CCNB3: variants seen among roughly 807,000 people sequenced by gnomAD.
CCNB3 encodes G2/mitotic-specific cyclin-B3.
In CCNB3, 12 loss-of-function variants were observed where a neutral mutation model predicts 68.0. The ratio of observed to expected loss-of-function variants is 0.18; its 90% confidence interval spans 0.11 to 0.29. CCNB3 has a LOEUF of 0.29. Ranked by LOEUF, CCNB3 falls within the 10% of genes least tolerant of loss-of-function variation. The pLI, the probability that CCNB3 is intolerant of heterozygous loss-of-function variation, is 1.00. For missense variants in CCNB3, 904 were observed against 993.1 expected (o/e 0.91, Z 1.21); for synonymous variants, 354 against 388.9 (o/e 0.91, Z 1.06).
At chrX:50,318,594 A>G (rs1557216169) in intron 8 of CCNB3, among the ~76,000 whole-genome samples, 1 of 112,300 alleles carries the variant, frequency 8.9e-6, no homozygotes, top group Non-Finnish European at 1.9e-5. Context: ...AAATTTTAGA[A>G]TCAGATTATA....
At chrX:50,334,275 T>C (rs1202825078) in intron 8 of CCNB3, among the ~76,000 whole-genome samples, 1 of 112,740 alleles carries the variant, frequency 8.9e-6, no homozygotes, top group Non-Finnish European at 1.9e-5. Context: ...CCAACACCTC[T>C]ACACAGTTAT....
chrX:50,329,684 G>T (rs1274246774), intron 8 of CCNB3, among the ~76,000 whole-genome samples: 1 of 112,340 alleles, frequency 8.9e-6, no homozygotes, highest in Non-Finnish European at 1.9e-5. Flanking sequence ...TTAGCACTTG[G>T]CTCCTTTTTA....
chrX:50,306,478 G>T (rs1345862563), intron 5 of CCNB3, among the ~76,000 whole-genome samples: 1 of 111,521 alleles, frequency 9.0e-6, no homozygotes, highest in African/African-American at 3.3e-5. Context: ...TTGCCTACTT[G>T]CCCTAGCTAC....
At chrX:50,228,342 C>A (rs1471371753) in intron 1 of CCNB3, among the ~76,000 whole-genome samples, 1 of 90,423 alleles carries the variant, frequency 1.1e-5, no homozygotes, top group Non-Finnish European at 2.1e-5. Flanking sequence ...AATATATATA[C>A]ATACATATAT....
chrX:50,302,766 C>T (rs959242656), intron 5 of CCNB3, among the ~76,000 whole-genome samples: 6 of 111,538 alleles, frequency 5.4e-5, no homozygotes, highest in African/African-American at 1.3e-4. Context: ...TGAGGTTATC[C>T]GTGTCATAGC....
rs1182415338 is a variant in CCNB3 at position 50,226,010 on chromosome X, G to C, written c.-113+21060G>C. 3.4e-5 allele frequency among the ~76,000 whole-genome samples: 3 copies of C among 88,586 alleles called. No individual in the cohort carries two copies. In the Admixed American group the frequency reaches 4.5e-4, roughly 13 times the overall value. 76.9% of individuals were successfully genotyped at this position (88,586 alleles called of 115,157 possible). On this transcript the variant is annotated intron_variant, in intron 1 of 12. Transcript: ENST00000376042. ...TAGAATGTATATATAAATATATATA[G>C]AATATATACAAAAATATATATATAG...
At chrX:50,221,936 A>C (rs942344542) in intron 1 of CCNB3, among the ~76,000 whole-genome samples, 7 of 111,359 alleles carry the variant, frequency 6.3e-5, no homozygotes, top group Non-Finnish European at 9.4e-5. Flanking sequence ...AACTTGCTTT[A>C]TGAATCTGGG....
intron 1 of CCNB3, among the ~76,000 whole-genome samples, chrX:50,206,139 A>T (rs1196911811): frequency 1.8e-5 from 2 of 110,407 alleles, no homozygotes; most frequent in Non-Finnish European, 3.8e-5. Flanking sequence ...GCTACTTGGG[A>T]GGCTGAGGCA....
At chrX:50,325,218 C>A (rs1602236988) in intron 8 of CCNB3, among the ~76,000 whole-genome samples, 1 of 111,624 alleles carries the variant, frequency 9.0e-6, no homozygotes, top group African/African-American at 3.2e-5. Flanking sequence ...TTTCTCCTGG[C>A]ATTTCTTCAC....
chrX:50,317,567 G>GTATTTATT (rs1557215962), intron 8 of CCNB3, among the ~76,000 whole-genome samples: 1 of 108,338 alleles, frequency 9.2e-6, no homozygotes, highest in African/African-American at 3.5e-5. Context: ...ATGTATGTAT[G>GTATTTATT]TATTTATTTA....
rs782014132 is a variant in CCNB3, at chrX:50,310,103, A to G, written c.1934A>G (p.Lys645Arg). 6.6e-6 allele frequency: 8 copies of G among 1,210,000 alleles called. No individual in the cohort carries two copies. In the South Asian group the frequency reaches 1.2e-4, roughly 19 times the overall value. Residue 645 changes from lysine to arginine, a missense_variant, in exon 6 of 13, where the codon AAG (lysine) becomes AGG (arginine). This residue lies in a region of CCNB3 where 619 missense variants were observed against 609.8 expected (regional missense o/e 1.02). Transcript: ENST00000376042. ...CAGGAACCATCTGCATTGAAAGAGA[A>G]GCATACCACCTTGCAGGAAGTGTCC... The part of the protein sequence containing the change: ...LSQEPSALKE[K>R]HTTLQEVSLS...
intron 8 of CCNB3, among the ~76,000 whole-genome samples, chrX:50,323,590 T>G: frequency 8.9e-6 from 1 of 112,462 alleles, no homozygotes; most frequent in East Asian, 2.8e-4. Flanking sequence ...TACTAGTATA[T>G]TGGGAAACAG....
At chrX:50,211,895 CT>C (rs1373573077) in intron 1 of CCNB3, among the ~76,000 whole-genome samples, 3 of 111,986 alleles carry the variant, frequency 2.7e-5, no homozygotes, top group Non-Finnish European at 5.6e-5. Flanking sequence ...GATACATTTC[CT>C]TAATATTTCC....
At chrX:50,299,006 A>G (rs1936554802) in intron 5 of CCNB3, among the ~76,000 whole-genome samples, 1 of 111,077 alleles carries the variant, frequency 9.0e-6, no homozygotes, top group Non-Finnish European at 1.9e-5. Context: ...TATTGCGTCT[A>G]TTTGATTCTT....
chrX:50,344,002 A>G lies in CCNB3; in HGVS notation c.3654+1663A>G, dbSNP rs367998447. Among the ~76,000 whole-genome samples the G allele has an allele frequency of 1.3e-4, 15 of 111,852 alleles. No individual in the cohort carries two copies. The East Asian group carries it at 3.9e-3, about 29-fold the overall frequency. On this transcript the variant is annotated intron_variant, in intron 9 of 12. Transcript: ENST00000376042. ...CACTGACTCACCCAGAGCAACTTCT[A>G]CTCCCACAAGCTCCATTCATGTTAA...
At chrX:50,331,085 G>A (rs1922572399) in intron 8 of CCNB3, among the ~76,000 whole-genome samples, 2 of 111,618 alleles carry the variant, frequency 1.8e-5, no homozygotes, top group Non-Finnish European at 3.8e-5. Flanking sequence ...TGATTCTCTC[G>A]GGACCATTCA....
Position 50,351,731 on chromosome X carries a change from TTAACAGGGTA to T in CCNB3, c.*31_*40del, listed in dbSNP as rs1923693330. On this transcript the variant is annotated 3_prime_UTR_variant, in exon 13 of 13. Coordinates refer to ENST00000376042, the MANE Select transcript of CCNB3 (RefSeq NM_033031.3). Reference sequence around the variant, plus strand: ...GCAGCCACAGGGCTAAGCATGCATGTTAACAGGGTATATTTATTCTATGTTCGAATTTGTC... The same window carrying T: ...GCAGCCACAGGGCTAAGCATGCATGTTATTTATTCTATGTTCGAATTTGTC... 7.6e-6 allele frequency: 8 copies of T among 1,056,415 alleles called. No homozygotes were observed. Among genetic ancestry groups the T allele is most frequent in the Non-Finnish European group, 1.0e-5 (8 of 763,816 alleles). 87.1% of individuals were successfully genotyped at this position (1,056,415 alleles called of 1,213,427 possible).
rs782145889 is a variant in CCNB3, at chrX:50,294,835, G to GC, written c.205-22dup. 2.1e-5 allele frequency: 25 copies of GC among 1,174,259 alleles called. 1 individual carries two copies. The highest frequency in any genetic ancestry group is 2.7e-5 in the Non-Finnish European group (24 of 877,871). ...CATTTTCTTGCCTCCTTCTTCCCCT[G>GC]CCCCCCAACCCACCTTTTTTTTTGC... On this transcript the variant is annotated intron_variant, in intron 4 of 12. Transcript: ENST00000376042.
chrX:50,351,563 A>C (rs782296332), intron 12 of CCNB3, 44 bp from the exon 13 acceptor site: 1 of 1,117,330 alleles, frequency 8.9e-7, no homozygotes, highest in Non-Finnish European at 1.2e-6. Flanking sequence ...GCATGATTGT[A>C]TTTGCCCTAT....
Sources: gnomAD v4.1 joint callset for allele counts (sites outside exome capture counted in the v4.1 genomes callset) on GRCh38, gnomAD v4.1.1 for gene constraint, gnomAD v4.1.1 regional missense constraint, MANE v1.5 for transcripts, NCBI Gene and HGNC (gene_info 2026-07-23, HGNC 2026-07-21) for gene names.